Variants in MBD2 observed in about 807,000 individuals in gnomAD.
MBD2 encodes methyl-CpG binding domain protein 2.
MBD2 carries 9 observed loss-of-function variants against 39.3 expected under a neutral mutation model. The ratio of observed to expected loss-of-function variants is 0.23; its 90% CI spans 0.14 to 0.40. The LOEUF (loss-of-function observed/expected upper bound fraction) is 0.40, where lower values mean the gene tolerates loss of function less well. Ranked by LOEUF, MBD2 falls within the 10% of genes least tolerant of loss-of-function variation. MBD2 has a pLI of 1.00. For synonymous variants in MBD2, 233 were observed against 211.1 expected (o/e 1.10, Z -0.90); for missense variants, 458 against 532.6 (o/e 0.86, Z 1.38).
chr18:54,182,370 C>T (rs914779937), intron 3 of MBD2, among the ~76,000 whole-genome samples: 1 of 151,986 alleles, frequency 6.6e-6, no homozygotes, highest in African/African-American at 2.4e-5. Context: ...CTTGATGTCA[C>T]TTGAGAGATG....
intron 1 of MBD2, among the ~76,000 whole-genome samples, chr18:54,218,153 T>C (rs2144352775): frequency 1.3e-5 from 2 of 152,374 alleles, no homozygotes; most frequent in African/African-American, 4.8e-5. Flanking sequence ...ATTTCAACTG[T>C]ATCTCAAACC....
In MBD2 at chr18:54,153,519, T is replaced by A. The variant is rs1422392252; in HGVS notation, c.*1805A>T. On this transcript the variant is annotated 3_prime_UTR_variant, in exon 7 of 7. Transcript: ENST00000256429. ...TGTGTTTTTGCTTTTACAAGCTGTTTAGAAAAGCACATATATCTTGGCTGG... is the reference window on the plus strand; with the variant it reads ...TGTGTTTTTGCTTTTACAAGCTGTTAAGAAAAGCACATATATCTTGGCTGG... 2.0e-5 allele frequency: 3 copies of A among 152,188 alleles called. No individual in the cohort carries two copies. Among genetic ancestry groups the A allele is most frequent in the Non-Finnish European group, 4.4e-5 (3 of 68,056 alleles). The allele number at this position is 152,188 out of a possible 1,614,324, so 9.4% of individuals were successfully genotyped here.
intron 2 of MBD2, among the ~76,000 whole-genome samples, chr18:54,200,195 G>A (rs543957649): frequency 1.3e-5 from 2 of 152,004 alleles, no homozygotes; most frequent in South Asian, 2.1e-4. Context: ...GAAATGTGAC[G>A]AAAGAATTGA....
intron 2 of MBD2, chr18:54,203,044 A>C (rs1489603907): frequency 7.4e-7 from 1 of 1,354,510 alleles, no homozygotes; most frequent in South Asian, 1.2e-5. Flanking sequence ...ACAGCGTATG[A>C]GCAAGCAGAG....
intron 3 of MBD2, among the ~76,000 whole-genome samples, chr18:54,167,564 AT>A (rs2144285132): frequency 6.6e-6 from 1 of 152,328 alleles, no homozygotes; most frequent in East Asian, 1.9e-4. Context: ...TGGGGCTTAC[AT>A]TCCGACTTCT....
intron 5 of MBD2, among the ~76,000 whole-genome samples, chr18:54,161,184 C>A (rs770314010): frequency 3.9e-5 from 6 of 152,004 alleles, no homozygotes; most frequent in Non-Finnish European, 8.8e-5. Context: ...AAGACTATGT[C>A]CAAGGTAGTC....
intron 2 of MBD2, 96 bp downstream of exon 2, chr18:54,204,902 T>C: frequency 7.9e-7 from 1 of 1,266,702 alleles, no homozygotes; most frequent in East Asian, 2.3e-5. Context: ...ACGGGACATT[T>C]GGACAACCAA....
At position 54,214,051 on chromosome 18, in the gene MBD2, G is replaced by T. The variant is rs1437309287; in HGVS notation, c.543-8894C>A. 4.4e-4 allele frequency among the ~76,000 whole-genome samples: 62 copies of T among 140,682 alleles called. 1 individual carries two copies. The highest frequency in any genetic ancestry group is 1.5e-3 in the African/African-American group (58 of 37,660). 92.3% of individuals were successfully genotyped at this position (140,682 alleles called of 152,430 possible). On this transcript the variant is annotated intron_variant, in intron 1 of 6. Transcript: ENST00000256429. ...ACAAACATTGCCTGATAAAACAGTA[G>T]TTCTCTTTGGGACTATAATAATGAC...
chr18:54,164,910 G>A (rs2086120552), intron 4 of MBD2, among the ~76,000 whole-genome samples: 1 of 152,132 alleles, frequency 6.6e-6, no homozygotes, highest in Admixed American at 6.5e-5. Flanking sequence ...AAATAGCTGA[G>A]CATTTTTTCT....
At chr18:54,166,253 C>G (rs1446286072) in intron 3 of MBD2, 87 bp from the exon 4 acceptor site, 2 of 779,024 alleles carry the variant, frequency 2.6e-6, no homozygotes, top group Admixed American at 2.4e-5. Flanking sequence ...AAATTTAAAT[C>G]ATTTCAATAG....
intron 3 of MBD2, among the ~76,000 whole-genome samples, chr18:54,177,749 G>A (rs1260876404): frequency 7.1e-6 from 1 of 141,756 alleles, no homozygotes; most frequent in East Asian, 2.2e-4. Flanking sequence ...CAAGATGCTG[G>A]GATTACAGGC....
At position 54,205,957 on chromosome 18, in the gene MBD2, T is replaced by TACACACAC. The variant is rs10558467; in HGVS notation, c.543-808_543-801dup. On this transcript the variant is annotated intron_variant, in intron 1 of 6. Transcript: ENST00000256429. ...GCAACCCTTGTTTAAAACACACACA[T>TACACACAC]ACACACACACACACACACACACACA... 4.4e-4 allele frequency among the ~76,000 whole-genome samples: 64 copies of TACACACAC among 145,964 alleles called. 1 individual carries two copies. The highest frequency in any genetic ancestry group is 1.5e-3 in the African/African-American group (59 of 40,140).
At chr18:54,175,833 A>G (rs1362244479) in intron 3 of MBD2, among the ~76,000 whole-genome samples, 1 of 152,208 alleles carries the variant, frequency 6.6e-6, no homozygotes, top group Non-Finnish European at 1.5e-5. Context: ...GCCTGCCGTC[A>G]GGGGACTGAA....
chr18:54,201,067 G>A (rs951082459), intron 2 of MBD2, among the ~76,000 whole-genome samples: 5 of 148,740 alleles, frequency 3.4e-5, no homozygotes, highest in Admixed American at 6.7e-5. Context: ...GCGACAGAGC[G>A]AGACCCCGTC....
chr18:54,221,999 A>C (rs765348767), intron 1 of MBD2, among the ~76,000 whole-genome samples: 10 of 152,206 alleles, frequency 6.6e-5, no homozygotes, highest in Non-Finnish European at 1.5e-4. Flanking sequence ...CACAGAGTAA[A>C]ATTCAAAGTT....
intron 3 of MBD2, among the ~76,000 whole-genome samples, chr18:54,184,026 T>A (rs186319771): frequency 1.3e-5 from 2 of 152,286 alleles, no homozygotes; most frequent in Admixed American, 1.3e-4. Flanking sequence ...GTTTCTCATT[T>A]TTAAAATTTA....
chr18:54,187,932 T>C, intron 3 of MBD2: 1 of 854,162 alleles, frequency 1.2e-6, no homozygotes, highest in Non-Finnish European at 1.4e-6. Context: ...GCCCAATCCT[T>C]TATGAAGTCT....
At position 54,178,038 on chromosome 18, in the gene MBD2, T is replaced by C. The variant is rs138929872; in HGVS notation, c.840+10836A>G. ...AAAAATTTCCTGTAGAGATGGAGTC[T>C]CACTTTCTTGGCAGGCTGCTCTCAA... is the stretch of plus-strand genomic sequence containing the variant. On this transcript the variant is annotated intron_variant, in intron 3 of 6. Coordinates refer to ENST00000256429, the MANE Select transcript of MBD2 (RefSeq NM_003927.5). Among the ~76,000 whole-genome samples, 349 of 152,092 alleles carry C rather than the reference T, an allele frequency of 2.3e-3. 3 individuals carry two copies. The highest frequency in any genetic ancestry group is 7.9e-3 in the African/African-American group (326 of 41,500).
At chr18:54,220,062 A>G (rs1019141931) in intron 1 of MBD2, among the ~76,000 whole-genome samples, 2 of 152,146 alleles carry the variant, frequency 1.3e-5, no homozygotes, top group Admixed American at 1.3e-4. Flanking sequence ...CAGCCTCCCA[A>G]AGTGCTGGGA....
Sources: gnomAD v4.1 joint callset for allele counts (sites outside exome capture counted in the v4.1 genomes callset) on GRCh38, gnomAD v4.1.1 for gene constraint, MANE v1.5 for transcripts, NCBI Gene and HGNC (gene_info 2026-07-23, HGNC 2026-07-21) for gene names.